GNG7: variants seen among roughly 807,000 people sequenced by gnomAD.
The protein encoded by GNG7 is G protein subunit gamma 7, also known as guanine nucleotide-binding protein G(I)/G(S)/G(O) subunit gamma-7.
Under a neutral mutation model 4.0 loss-of-function variants are expected in GNG7, and 1 was observed. The ratio of observed to expected loss-of-function variants is 0.25; its 90% CI spans 0.09 to 1.18. The LOEUF is 1.18. Ranked by LOEUF, GNG7 falls within the 50% of genes most tolerant of loss-of-function variation. The pLI, the probability that GNG7 is intolerant of heterozygous loss-of-function variation, is 0.50. For synonymous variants in GNG7, 34 were observed against 36.9 expected (o/e 0.92, Z 0.29); for missense variants, 86 against 91.9 (o/e 0.94, Z 0.26).
intron 1 of GNG7, among the ~76,000 whole-genome samples, chr19:2,685,780 C>T (rs1983855758): frequency 6.6e-6 from 1 of 152,172 alleles, no homozygotes; most frequent in Non-Finnish European, 1.5e-5. Context: ...GTGTCCTCCT[C>T]CCGAGACGAG....
intron 2 of GNG7, among the ~76,000 whole-genome samples, chr19:2,645,815 G>A (rs998333986): frequency 1.3e-5 from 2 of 152,170 alleles, no homozygotes; most frequent in African/African-American, 4.8e-5. Context: ...AGAAAAACGA[G>A]GAGTAAATCA....
At chr19:2,671,563 T>G (rs1983453224) in intron 1 of GNG7, among the ~76,000 whole-genome samples, 1 of 151,918 alleles carries the variant, frequency 6.6e-6, no homozygotes, top group Admixed American at 6.6e-5. Flanking sequence ...CGAGGCCATG[T>G]CCAGGGGTCA....
At chr19:2,517,072 T>C (rs1303584222) in intron 4 of GNG7, 2 of 152,272 alleles carry the variant, frequency 1.3e-5, no homozygotes, top group African/African-American at 4.8e-5. Flanking sequence ...TTTCTCTCCT[T>C]GCTTTCTTTC....
At chr19:2,610,037 T>C (rs1237312462) in intron 2 of GNG7, 2 of 151,890 alleles carry the variant, frequency 1.3e-5, no homozygotes, top group Non-Finnish European at 2.9e-5. Flanking sequence ...CTCTCAGAGG[T>C]TAGTATCACC....
rs1452523785 is a variant in GNG7 at position 2,513,273 on chromosome 19, C to T, written c.*1749G>A. On this transcript the variant is annotated 3_prime_UTR_variant, in exon 5 of 5. Coordinates refer to ENST00000382159, the MANE Select transcript of GNG7 (RefSeq NM_052847.3). ...CGGCCGTCCAGGAACCCTCTCGGCA[C>T]GGGTTCTTAGACGCCTGTCTCCACT... The T allele has an allele frequency of 4.0e-5, 16 of 403,076 alleles. No homozygotes were observed. Among genetic ancestry groups the T allele is most frequent in the Non-Finnish European group, 5.0e-5 (15 of 297,902 alleles). 25.0% of individuals were successfully genotyped at this position (403,076 alleles called of 1,614,324 possible). A position where few individuals can be genotyped will look rare whatever the true frequency, so the allele number is the denominator to read the frequency against.
At chr19:2,696,094 T>C (rs1913238925) in intron 1 of GNG7, among the ~76,000 whole-genome samples, 3 of 148,366 alleles carry the variant, frequency 2.0e-5, no homozygotes, top group Admixed American at 1.3e-4. Context: ...GAGGTGGAGG[T>C]TGCAGTGAGC....
chr19:2,596,561 C>G (rs117200542), intron 2 of GNG7, among the ~76,000 whole-genome samples: 4 of 151,610 alleles, frequency 2.6e-5, no homozygotes, highest in Non-Finnish European at 5.9e-5. Context: ...CCCAGCTACT[C>G]AGGAGGTTGA....
chr19:2,625,600 G>A (rs931397048), intron 2 of GNG7, among the ~76,000 whole-genome samples: 1 of 152,126 alleles, frequency 6.6e-6, no homozygotes, highest in Non-Finnish European at 1.5e-5. Flanking sequence ...AGGGCCATGG[G>A]TCACCCATGC....
chr19:2,644,081 C>T (rs1310364083), intron 2 of GNG7, among the ~76,000 whole-genome samples: 1 of 151,768 alleles, frequency 6.6e-6, no homozygotes, highest in African/African-American at 2.4e-5. Context: ...AGTGCAGTGG[C>T]GCAATCTCAG....
chr19:2,682,680 A>AG (rs71337164), intron 1 of GNG7, among the ~76,000 whole-genome samples: 5 of 144,026 alleles, frequency 3.5e-5, no homozygotes, highest in Non-Finnish European at 7.5e-5. Context: ...AAAAAAAAAA[A>AG]GAAGAGCTAC....
Position 2,633,475 on chromosome 19 carries a change from G to GCA in GNG7, c.-78+12748_-78+12749insTG, listed in dbSNP as rs1228902329. 1.7e-5 allele frequency among the ~76,000 whole-genome samples: 1 copy of GCA among 58,988 alleles called. No homozygotes were observed. Among genetic ancestry groups the GCA allele is most frequent in the East Asian group, 3.7e-4 (1 of 2,692 alleles). The allele number at this position is 58,988 out of a possible 152,430, so 38.7% of individuals were successfully genotyped here. A position where few individuals can be genotyped will look rare whatever the true frequency, so the allele number is the denominator to read the frequency against. On this transcript the variant is annotated intron_variant, in intron 2 of 4. Coordinates refer to ENST00000382159, the MANE Select transcript of GNG7 (RefSeq NM_052847.3). The surrounding 1 kb of genome is among the most constrained non-coding windows in gnomAD (Gnocchi z 5.9). Reference sequence around the variant, plus strand: ...CAAGCGGTTGCTTAGCAACAGGCGCGCGCGCGCGCGCGCACACACACACAC... The same window carrying GCA: ...CAAGCGGTTGCTTAGCAACAGGCGCGCACGCGCGCGCGCGCACACACACACAC...
intron 2 of GNG7, among the ~76,000 whole-genome samples, chr19:2,597,548 G>C (rs1308151158): frequency 1.3e-5 from 2 of 151,600 alleles, no homozygotes; most frequent in Non-Finnish European, 2.9e-5. Flanking sequence ...AGTGAGCCGA[G>C]ATCACGCCAC....
intron 2 of GNG7, among the ~76,000 whole-genome samples, chr19:2,645,671 C>T (rs879274432): frequency 1.3e-5 from 2 of 152,200 alleles, no homozygotes; most frequent in Non-Finnish European, 2.9e-5. Context: ...TTCATGTCCC[C>T]AGCCTCCAAT....
intron 2 of GNG7, among the ~76,000 whole-genome samples, chr19:2,578,709 G>T (rs1272135230): frequency 6.6e-6 from 1 of 152,236 alleles, no homozygotes; most frequent in Non-Finnish European, 1.5e-5. Flanking sequence ...CCTGGGCACT[G>T]CAGGGTGCTG....
chr19:2,689,088 A>T (rs973294429), intron 1 of GNG7, among the ~76,000 whole-genome samples: 2 of 151,932 alleles, frequency 1.3e-5, no homozygotes, highest in Non-Finnish European at 2.9e-5. Flanking sequence ...ATGTAAATTT[A>T]AAAAATATTA....
chr19:2,665,371 G>C (rs1039429385), intron 1 of GNG7, among the ~76,000 whole-genome samples: 5 of 148,840 alleles, frequency 3.4e-5, no homozygotes, highest in South Asian at 2.2e-4. Flanking sequence ...TGGGGGGGGG[G>C]GGGCAGGATC....
At chr19:2,568,773 T>A (rs1038897449) in intron 2 of GNG7, among the ~76,000 whole-genome samples, 3 of 146,440 alleles carry the variant, frequency 2.0e-5, no homozygotes, top group Admixed American at 6.8e-5. Context: ...CATATACACA[T>A]AAATACACAT....
chr19:2,612,297 G>GC (rs1981593215), intron 2 of GNG7, among the ~76,000 whole-genome samples: 1 of 151,984 alleles, frequency 6.6e-6, no homozygotes, highest in Non-Finnish European at 1.5e-5. Context: ...TCTGACCTCC[G>GC]CCCACTCCAT....
At chr19:2,636,272 C>T (rs1412365312) in intron 2 of GNG7, among the ~76,000 whole-genome samples, 2 of 152,172 alleles carry the variant, frequency 1.3e-5, no homozygotes, top group Non-Finnish European at 2.9e-5. Context: ...TGCCTTCACT[C>T]AGGGGCGCAC....
Sources: gnomAD v4.1 joint callset for allele counts (sites outside exome capture counted in the v4.1 genomes callset) on GRCh38, gnomAD v4.1.1 for gene constraint, Gnocchi (gnomAD v3.1) non-coding constraint, MANE v1.5 for transcripts, NCBI Gene and HGNC (gene_info 2026-07-23, HGNC 2026-07-21) for gene names.